Variants in PGD observed in about 807,000 individuals in gnomAD.
The protein encoded by PGD is phosphogluconate dehydrogenase, also known as 6-phosphogluconate dehydrogenase, decarboxylating.
PGD carries 21 observed loss-of-function variants against 60.4 expected under a neutral mutation model. The observed-to-expected ratio is 0.35, with a 90% CI of 0.25 to 0.50. PGD has a LOEUF of 0.50. PGD is among the 20% of genes least tolerant of loss of function. PGD has a pLI of 0.98. For synonymous variants in PGD, 230 were observed against 235.9 expected, an observed-to-expected ratio of 0.97 and a Z score of 0.23; for missense variants, 477 against 613.1, an observed-to-expected ratio of 0.78 and a Z score of 2.34.
chr1:10,409,458 G>T (rs545780193), intron 6 of PGD, among the ~76,000 whole-genome samples: 1 of 152,042 alleles, frequency 6.6e-6, no homozygotes, highest in Non-Finnish European at 1.5e-5. Flanking sequence ...AGATTACTGC[G>T]GTAAAAGGCC....
chr1:10,404,297 T>C lies in PGD; in HGVS notation c.449+18T>C, dbSNP rs770892727. The C allele has an allele frequency of 7.5e-6, 11 of 1,474,912 alleles. No individual in the cohort carries two copies. Among genetic ancestry groups the C allele is most frequent in the Non-Finnish European group, 7.5e-6 (8 of 1,063,552 alleles). 91.4% of individuals were successfully genotyped at this position (1,474,912 alleles called of 1,614,324 possible). ...GAAGCGTGGTGAGTGCCATCAGCAC[T>C]GTGCCCATCTCTGTACAAGGGAGCT... On this transcript the variant is annotated intron_variant, in intron 5 of 12. Transcript: ENST00000270776.
Position 10,417,029 on chromosome 1 carries a change from A to G in PGD, c.887A>G (p.Glu296Gly), listed in dbSNP as rs769420753. 1.9e-6 allele frequency: 3 copies of G among 1,613,918 alleles called. No individual in the cohort carries two copies. In the South Asian group the frequency reaches 3.3e-5, roughly 18 times the overall value. The change falls in exon 9 of 13, where the codon GAG becomes GGG. Residue 296 changes from glutamate to glycine, a missense_variant. By Grantham distance (98) the Glu-to-Gly change is moderately conservative. This residue lies in a region of PGD where 431 missense variants were observed against 556.6 expected (regional missense o/e 0.77). Transcript: ENST00000270776. Reference sequence around the variant, plus strand: ...CGGTGCTTATCATCTCTGAAGGATGAGAGAATTCAAGCTAGCAAAAAGCTG... The same window carrying G: ...CGGTGCTTATCATCTCTGAAGGATGGGAGAATTCAAGCTAGCAAAAAGCTG... ...FARCLSSLKD[E>G]RIQASKKLKG...
chr1:10,418,063 G>A (rs1027954119), intron 10 of PGD, among the ~76,000 whole-genome samples: 6 of 145,182 alleles, frequency 4.1e-5, no homozygotes, highest in African/African-American at 5.1e-5. Flanking sequence ...GTGAACTATC[G>A]TGCCCTCTGG....
chr1:10,402,180 T>C (rs1214171518), intron 3 of PGD, among the ~76,000 whole-genome samples: 1 of 152,166 alleles, frequency 6.6e-6, no homozygotes, highest in African/African-American at 2.4e-5. Context: ...CCATTTGATA[T>C]GTATTTACTG....
chr1:10,400,648 T>A, intron 3 of PGD, 76 bp downstream of exon 3: 3 of 1,170,078 alleles, frequency 2.6e-6, no homozygotes, highest in Non-Finnish European at 3.6e-6. Context: ...CTCCTTCTTT[T>A]AACTCTAGAG....
rs960701459 is a variant in PGD, at chr1:10,399,855, A to G, written c.84+151A>G. On this transcript the variant is annotated intron_variant, in intron 2 of 12. Coordinates refer to ENST00000270776, the MANE Select transcript of PGD (RefSeq NM_002631.4). ...GCATTTTTGTATGGAAAGGAGAAGCACCCTGTAGGCGTGGGCGGGCCGATC... is the reference window on the plus strand; with the variant it reads ...GCATTTTTGTATGGAAAGGAGAAGCGCCCTGTAGGCGTGGGCGGGCCGATC... 2.1e-5 allele frequency: 14 copies of G among 682,514 alleles called. No individual in the cohort carries two copies. The African/African-American group carries it at 2.1e-4, about 10-fold the overall frequency. The allele number at this position is 682,514 out of a possible 1,614,324, so 42.3% of individuals were successfully genotyped here.
rs1011532467 is a variant in PGD at position 10,419,617 on chromosome 1, T to A, written c.1333-13T>A. ...ATGGACTGTCCTGACCAACCTACTCTCTCGTTTCCTAGGCTCAGCGGGATT... is the reference window on the plus strand; with the variant it reads ...ATGGACTGTCCTGACCAACCTACTCACTCGTTTCCTAGGCTCAGCGGGATT... On this transcript the variant is annotated splice_polypyrimidine_tract_variant and intron_variant, in intron 12 of 12. Coordinates refer to ENST00000270776, the MANE Select transcript of PGD (RefSeq NM_002631.4). The A allele has an allele frequency of 1.9e-6, 3 of 1,614,086 alleles. No individual in the cohort carries two copies. Among genetic ancestry groups the A allele is most frequent in the Non-Finnish European group, 2.5e-6 (3 of 1,179,934 alleles).
intron 4 of PGD, among the ~76,000 whole-genome samples, chr1:10,403,590 GAAAA>G (rs71583866): frequency 1.0e-4 from 7 of 67,146 alleles, no homozygotes; most frequent in African/African-American, 1.8e-4. Flanking sequence ...AACTCCATCT[GAAAA>G]AAAAAAAAAA....
chr1:10,407,017 G>A (rs6541094), intron 5 of PGD, among the ~76,000 whole-genome samples: 80,778 of 152,138 alleles, frequency 0.53, 22,165 homozygotes, highest in African/African-American at 0.67. Flanking sequence ...TGCTGCTGCA[G>A]TAGAAATTTC....
chr1:10,418,679 GC>G, intron 10 of PGD, 146 bp from the exon 11 acceptor site: 1 of 555,788 alleles, frequency 1.8e-6, no homozygotes, highest in South Asian at 2.0e-5. Flanking sequence ...CGAGGCTGAG[GC>G]AGGAGAATCG....
intron 5 of PGD, among the ~76,000 whole-genome samples, chr1:10,407,521 AG>A (rs987499354): frequency 2.0e-5 from 3 of 152,118 alleles, no homozygotes; most frequent in Non-Finnish European, 4.4e-5. Context: ...TCAGTCCGAT[AG>A]TCCAGTCTGC....
At chr1:10,410,856 A>T (rs1219851939) in intron 6 of PGD, among the ~76,000 whole-genome samples, 1 of 151,330 alleles carries the variant, frequency 6.6e-6, no homozygotes, top group Non-Finnish European at 1.5e-5. Flanking sequence ...ATAAATATAA[A>T]TATAAATATA....
At chr1:10,405,466 ATAAT>A (rs1557760545) in intron 5 of PGD, among the ~76,000 whole-genome samples, 1 of 151,382 alleles carries the variant, frequency 6.6e-6, no homozygotes, top group African/African-American at 2.4e-5. Flanking sequence ...ATATATATAA[ATAAT>A]TGTGGGCAAT....
chr1:10,408,131 CTG>C lies in PGD; in HGVS notation c.513_514del (p.Cys171Ter). 1 of 1,588,508 alleles carries C rather than the reference CTG, an allele frequency of 6.3e-7. No homozygotes were observed. The highest frequency in any genetic ancestry group is 8.6e-7 in the Non-Finnish European group (1 of 1,156,512). On this transcript the variant is annotated frameshift_variant, in exon 6 of 13. Coordinates refer to ENST00000270776, the MANE Select transcript of PGD (RefSeq NM_002631.4). LOFTEE classifies it high-confidence loss of function. ...AAKVGTGEPC[C>X]DWVGDEGAGH... Reference sequence around the variant, plus strand: ...CAAAAGTGGGAACTGGAGAACCCTGCTGTGACTGGGCAAGTTCTGGGCTACTC... The same window carrying C: ...CAAAAGTGGGAACTGGAGAACCCTGCTGACTGGGCAAGTTCTGGGCTACTC...
At position 10,419,807 on chromosome 1, in the gene PGD, A is replaced by G; in HGVS notation, c.*58A>G. ...CAGACCAGGACATTCCATGTGCCTC[A>G]TGGCACTGCCACCTGGCCCTTTGCC... On this transcript the variant is annotated 3_prime_UTR_variant, in exon 13 of 13. Coordinates refer to ENST00000270776, the MANE Select transcript of PGD (RefSeq NM_002631.4). 1 of 1,595,190 alleles carries G rather than the reference A, an allele frequency of 6.3e-7. No homozygotes were observed. Among genetic ancestry groups the G allele is most frequent in the East Asian group, 2.2e-5 (1 of 44,616 alleles).
chr1:10,410,024 G>A (rs905144161), intron 6 of PGD, among the ~76,000 whole-genome samples: 3 of 152,156 alleles, frequency 2.0e-5, no homozygotes, highest in South Asian at 2.1e-4. Context: ...TTGCCCCTAC[G>A]TGTGTTGATC....
At position 10,399,694 on chromosome 1, in the gene PGD, A is replaced by G; in HGVS notation, c.74A>G (p.His25Arg). ...GQNLILNMND[H>R]GFVVCAFNRT... is the part of the protein sequence containing the mutation. ...AACTTAATTCTGAACATGAATGACC[A>G]CGGCTTTGTGGTAAGCGGCGTGGGC... The change falls in exon 2 of 13, where the codon CAC becomes CGC. Residue 25 changes from histidine to arginine, a missense_variant. Around this residue, in one of 3 missense-constraint regions of PGD, gnomAD observed 431 missense variants for 556.6 expected, o/e 0.77. Coordinates refer to ENST00000270776, the MANE Select transcript of PGD (RefSeq NM_002631.4). 6.2e-7 allele frequency: 1 copy of G among 1,614,106 alleles called. No homozygotes were observed. Among genetic ancestry groups the G allele is most frequent in the Non-Finnish European group, 8.5e-7 (1 of 1,179,970 alleles).
chr1:10,419,048 AC>A, intron 11 of PGD, 123 bp downstream of exon 11: 1 of 631,960 alleles, frequency 1.6e-6, no homozygotes, highest in Non-Finnish European at 2.8e-6. Flanking sequence ...TCGCTCTGTC[AC>A]CCAGGCTGGA....
chr1:10,412,766 G>A (rs1174615836), intron 7 of PGD: 2 of 290,082 alleles, frequency 6.9e-6, no homozygotes, highest in Non-Finnish European at 1.3e-5. Context: ...TCCGGTGATT[G>A]CAGAAGGCTT....
Sources: gnomAD v4.1 joint callset for allele counts (sites outside exome capture counted in the v4.1 genomes callset) on GRCh38, gnomAD v4.1.1 for gene constraint, gnomAD v4.1.1 regional missense constraint, MANE v1.5 for transcripts, NCBI Gene and HGNC (gene_info 2026-07-23, HGNC 2026-07-21) for gene names.